ENPP2: variants seen among roughly 807,000 people sequenced by gnomAD.
The protein encoded by ENPP2 is autotaxin.
ENPP2 carries 51 observed loss-of-function variants against 120.2 expected under a neutral mutation model. That is an observed-to-expected ratio of 0.42 (90% CI 0.34 to 0.54). The LOEUF is 0.54. Ranked by LOEUF, ENPP2 falls within the 20% of genes least tolerant of loss-of-function variation. ENPP2 has a pLI of 0.04. For synonymous variants in ENPP2, 365 were observed against 366.4 expected, an observed-to-expected ratio of 1.00 and a Z score of 0.04; for missense variants, 920 against 1,066.5, an observed-to-expected ratio of 0.86 and a Z score of 1.91.
chr8:119,598,589 A>C (rs1587436269), intron 11 of ENPP2, among the ~76,000 whole-genome samples: 1 of 152,330 alleles, frequency 6.6e-6, no homozygotes, highest in African/African-American at 2.4e-5. Flanking sequence ...ATTTAATTGT[A>C]ACTGAACTAC....
intron 1 of ENPP2, among the ~76,000 whole-genome samples, chr8:119,671,424 T>C (rs191447282): frequency 6.6e-6 from 1 of 152,300 alleles, no homozygotes; most frequent in African/African-American, 2.4e-5. Context: ...GAGGGAATAC[T>C]GGCCATAAGT....
chr8:119,566,307 G>A (rs540911385), intron 22 of ENPP2, among the ~76,000 whole-genome samples: 2 of 152,208 alleles, frequency 1.3e-5, no homozygotes, highest in South Asian at 4.1e-4. Context: ...ATATTAGATC[G>A]AATTCGCCAT....
At chr8:119,565,495 G>C (rs185842509) in intron 22 of ENPP2, among the ~76,000 whole-genome samples, 6 of 152,256 alleles carry the variant, frequency 3.9e-5, no homozygotes, top group African/African-American at 1.4e-4. Flanking sequence ...GAATTTTAAT[G>C]TTCCTTCCTA....
At position 119,605,166 on chromosome 8, in the gene ENPP2, G is replaced by T. The variant is rs531632880; in HGVS notation, c.833+2756C>A. ...AGCTCACTGCAGCCTCAAACTCCTCGGGCTTGGTGATCCTCCCACCTCAGT... is the reference window on the plus strand; with the variant it reads ...AGCTCACTGCAGCCTCAAACTCCTCTGGCTTGGTGATCCTCCCACCTCAGT... On this transcript the variant is annotated intron_variant, in intron 9 of 24. Coordinates refer to ENST00000075322, the MANE Select transcript of ENPP2 (RefSeq NM_001040092.3). 7.9e-3 allele frequency among the ~76,000 whole-genome samples: 1,200 copies of T among 151,990 alleles called. 8 individuals are homozygous for T. The highest frequency in any genetic ancestry group is 0.014 in the Non-Finnish European group (923 of 67,966).
chr8:119,558,908 T>C (rs1396166960), intron 24 of ENPP2, among the ~76,000 whole-genome samples: 2 of 152,138 alleles, frequency 1.3e-5, no homozygotes, highest in Non-Finnish European at 2.9e-5. Flanking sequence ...TGCAATGGGC[T>C]TTCTCGGAAA....
At chr8:119,590,725 AGTTT>A in intron 12 of ENPP2, 95 bp from the exon 13 acceptor site, 1 of 865,176 alleles carries the variant, frequency 1.2e-6, no homozygotes, top group Non-Finnish European at 1.7e-6. Flanking sequence ...CTCTTTAGTT[AGTTT>A]TTAGTAACTT....
intron 1 of ENPP2, among the ~76,000 whole-genome samples, chr8:119,665,912 C>G (rs1368646249): frequency 6.6e-6 from 1 of 152,118 alleles, no homozygotes; most frequent in African/African-American, 2.4e-5. Context: ...GTCATTATAG[C>G]TCTTTTTGCA....
At chr8:119,558,409 G>C (rs1053801679) in intron 24 of ENPP2, among the ~76,000 whole-genome samples, 3 of 152,068 alleles carry the variant, frequency 2.0e-5, no homozygotes, top group African/African-American at 7.2e-5. Flanking sequence ...GGAGGTTAGG[G>C]AGGAGAGGAG....
chr8:119,608,780 T>C (rs1304613109), intron 8 of ENPP2, among the ~76,000 whole-genome samples: 1 of 152,216 alleles, frequency 6.6e-6, no homozygotes, highest in Non-Finnish European at 1.5e-5. Context: ...GCATATAGGA[T>C]TATTCTAAGC....
intron 18 of ENPP2, among the ~76,000 whole-genome samples, chr8:119,581,763 CT>C (rs35114182): frequency 1.3e-3 from 177 of 141,014 alleles, no homozygotes; most frequent in Middle Eastern, 0.011. Context: ...TTTTCATTTC[CT>C]TTTTTTTTTT....
chr8:119,594,191 G>C (rs1813731314), intron 11 of ENPP2, among the ~76,000 whole-genome samples: 1 of 152,152 alleles, frequency 6.6e-6, no homozygotes, highest in Non-Finnish European at 1.5e-5. Flanking sequence ...CAAGAGTTTT[G>C]AGAGTAAACA....
At chr8:119,616,866 T>G (rs1815490605) in intron 7 of ENPP2, among the ~76,000 whole-genome samples, 1 of 152,210 alleles carries the variant, frequency 6.6e-6, no homozygotes, top group South Asian at 2.1e-4. Flanking sequence ...TCAACATTTT[T>G]ATTTGCAAAT....
chr8:119,648,764 C>A (rs2130868371), intron 1 of ENPP2, among the ~76,000 whole-genome samples: 1 of 152,298 alleles, frequency 6.6e-6, no homozygotes, highest in East Asian at 1.9e-4. Context: ...AAGTCCAGAG[C>A]TAACATCATC....
intron 1 of ENPP2, among the ~76,000 whole-genome samples, chr8:119,651,935 G>C (rs771084131): frequency 6.6e-6 from 1 of 152,150 alleles, no homozygotes; most frequent in Non-Finnish European, 1.5e-5. Context: ...GAAAGCTTAC[G>C]CTGTGTCAAG....
chr8:119,557,774 A>C, intron 24 of ENPP2, 83 bp from the exon 25 acceptor site: 2 of 1,219,680 alleles, frequency 1.6e-6, no homozygotes, highest in Non-Finnish European at 2.3e-6. Flanking sequence ...AAGTCCACAA[A>C]TGACCTCTGT....
intron 3 of ENPP2, among the ~76,000 whole-genome samples, chr8:119,623,785 C>G (rs1462518517): frequency 6.6e-6 from 1 of 152,004 alleles, no homozygotes; most frequent in Non-Finnish European, 1.5e-5. Flanking sequence ...CCCCCCATGC[C>G]TGGGTAATTT....
At chr8:119,573,907 T>C (rs1812149823) in intron 19 of ENPP2, among the ~76,000 whole-genome samples, 1 of 152,198 alleles carries the variant, frequency 6.6e-6, no homozygotes, top group Non-Finnish European at 1.5e-5. Flanking sequence ...CACAAAAGTA[T>C]CACTGACTGC....
intron 1 of ENPP2, among the ~76,000 whole-genome samples, chr8:119,649,269 G>A (rs1234838730): frequency 3.3e-5 from 5 of 150,972 alleles, no homozygotes; most frequent in East Asian, 1.9e-4. Flanking sequence ...GGGTGTGGTC[G>A]TGGGCACCTG....
intron 19 of ENPP2, chr8:119,571,170 C>G (rs1003553746): frequency 1.2e-5 from 2 of 169,224 alleles, no homozygotes; most frequent in African/African-American, 2.4e-5. Flanking sequence ...GAATGGAAAG[C>G]CAATAGGATT....
Sources: gnomAD v4.1 joint callset for allele counts (sites outside exome capture counted in the v4.1 genomes callset) on GRCh38, gnomAD v4.1.1 for gene constraint, MANE v1.5 for transcripts, NCBI Gene and HGNC (gene_info 2026-07-23, HGNC 2026-07-21) for gene names.